Variants in PKD1L1 observed in about 807,000 individuals in gnomAD.
PKD1L1 encodes polycystin 1 like 1, transient receptor potential channel interacting.
In PKD1L1, 236 loss-of-function variants were observed where a neutral mutation model predicts 323.4. The ratio of observed to expected loss-of-function variants is 0.73; its 90% CI spans 0.66 to 0.81. PKD1L1 has a LOEUF of 0.81. Among genes scored for constraint, PKD1L1 ranks in the 40% least tolerant of loss-of-function variants. The pLI, the probability that PKD1L1 is intolerant of heterozygous loss-of-function variation, is 0.00. For missense variants in PKD1L1, 3,320 were observed against 3,508.0 expected (o/e 0.95, Z 1.35); for synonymous variants, 1,344 against 1,335.0 (o/e 1.01, Z -0.15).
rs185314360 is a variant in PKD1L1, at chr7:47,826,865, G to A, written c.6854+485C>T. Among the ~76,000 whole-genome samples, 6 of 152,338 alleles carry A rather than the reference G, an allele frequency of 3.9e-5. No individual in the cohort carries two copies. In the East Asian group the frequency reaches 5.8e-4, roughly 15 times the overall value. Reference sequence around the variant, plus strand: ...AACCATAACACAGCTGTGCATATCTGAATATTAAACTTATTTTTAAATAAC... The same window carrying A: ...AACCATAACACAGCTGTGCATATCTAAATATTAAACTTATTTTTAAATAAC... On this transcript the variant is annotated intron_variant, in intron 45 of 56. Transcript: ENST00000289672.
At chr7:47,836,604 TA>T (rs969190745) in intron 37 of PKD1L1, among the ~76,000 whole-genome samples, 4 of 151,676 alleles carry the variant, frequency 2.6e-5, no homozygotes, top group Non-Finnish European at 5.9e-5. Context: ...ATTGCCAACT[TA>T]AAAAAAAATT....
rs1259198834 is a variant in PKD1L1 at position 47,931,097 on chromosome 7, A to C, written c.737+7T>G. 2 of 1,613,072 alleles carry C rather than the reference A, an allele frequency of 1.2e-6. No individual in the cohort carries two copies. Among genetic ancestry groups the C allele is most frequent in the Non-Finnish European group, 1.7e-6 (2 of 1,179,452 alleles). On this transcript the variant is annotated splice_region_variant and intron_variant, in intron 6 of 56. Coordinates refer to ENST00000289672, the MANE Select transcript of PKD1L1 (RefSeq NM_138295.5). ...TGGTGCTGGCCTCCATACCTCCTTC[A>C]CCGTACCTTCTGGGAGAAGTGGGAA...
chr7:47,882,524 G>C (rs1478716069), intron 19 of PKD1L1, among the ~76,000 whole-genome samples: 2 of 152,080 alleles, frequency 1.3e-5, no homozygotes, highest in African/African-American at 4.8e-5. Context: ...CAGAGGAAGA[G>C]AGAGTGGTGT....
chr7:47,870,076 T>C (rs1429807416), intron 24 of PKD1L1, among the ~76,000 whole-genome samples: 1 of 152,010 alleles, frequency 6.6e-6, no homozygotes, highest in Non-Finnish European at 1.5e-5. Context: ...CTAAAACACA[T>C]TGGATGCAGC....
At chr7:47,945,501 C>CT (rs1788075667) in intron 1 of PKD1L1, among the ~76,000 whole-genome samples, 1 of 152,194 alleles carries the variant, frequency 6.6e-6, no homozygotes, top group Admixed American at 6.5e-5. Flanking sequence ...AGGCCTCAAA[C>CT]TGTTGAATAA....
Position 47,831,319 on chromosome 7 carries a change from T to C in PKD1L1, c.6371A>G (p.Gln2124Arg). ...CCAAGGCTGAAGGGCCCTTGACCACTGGGGCATTAGTCCCTCCAAACCACT... is the reference window on the plus strand; with the variant it reads ...CCAAGGCTGAAGGGCCCTTGACCACCGGGGCATTAGTCCCTCCAAACCACT... ...PSSGLEGLMP[Q>R]WSRALQPWWS... is the part of the protein sequence containing the mutation. Residue 2124 changes from glutamine (Q) to arginine (R), a missense_variant, in exon 42 of 57, where the codon CAG becomes CGG. Coordinates refer to ENST00000289672, the MANE Select transcript of PKD1L1 (RefSeq NM_138295.5). 1 of 1,614,082 alleles carries C rather than the reference T, an allele frequency of 6.2e-7. No homozygotes were observed. Among genetic ancestry groups the C allele is most frequent in the Non-Finnish European group, 8.5e-7 (1 of 1,179,992 alleles).
At chr7:47,875,198 C>T (rs1786377912) in intron 23 of PKD1L1, among the ~76,000 whole-genome samples, 2 of 152,160 alleles carry the variant, frequency 1.3e-5, no homozygotes, top group South Asian at 4.1e-4. Context: ...TCTCAAAATG[C>T]CCTGCTCAGA....
chr7:47,957,073 CT>C, the PKD1L1 span: 1 of 153,980 alleles, frequency 6.5e-6, no homozygotes, highest in Non-Finnish European at 1.5e-5. Flanking sequence ...AAGACATTTG[CT>C]TTTGTGCATA....
intron 7 of PKD1L1, among the ~76,000 whole-genome samples, chr7:47,926,292 A>G (rs1787655532): frequency 6.6e-6 from 1 of 152,218 alleles, no homozygotes; most frequent in Non-Finnish European, 1.5e-5. Context: ...TCTTTAGGTA[A>G]TAACTTAACT....
intron 16 of PKD1L1, among the ~76,000 whole-genome samples, chr7:47,888,645 A>G (rs76336193): frequency 0.053 from 8,006 of 152,288 alleles, 542 homozygotes; most frequent in African/African-American, 0.16. Context: ...GATGCTCACA[A>G]AGAAAGATGT....
intron 41 of PKD1L1, among the ~76,000 whole-genome samples, chr7:47,831,567 C>G (rs1012283353): frequency 2.0e-5 from 3 of 152,180 alleles, no homozygotes; most frequent in Admixed American, 1.3e-4. Flanking sequence ...AGAGGGCCTT[C>G]CTAGCCACAG....
At chr7:47,816,041 AGGTGTC>A (rs1785010490) in intron 46 of PKD1L1, among the ~76,000 whole-genome samples, 1 of 152,148 alleles carries the variant, frequency 6.6e-6, no homozygotes, top group Non-Finnish European at 1.5e-5. Flanking sequence ...AAGGGTGGGA[AGGTGTC>A]GGGGCCACAG....
At chr7:47,882,504 G>A (rs2128747111) in intron 19 of PKD1L1, among the ~76,000 whole-genome samples, 1 of 152,274 alleles carries the variant, frequency 6.6e-6, no homozygotes, top group East Asian at 1.9e-4. Flanking sequence ...GGAAAGAAAA[G>A]CGGGGTATGC....
chr7:47,831,438 T>C, intron 41 of PKD1L1, 86 bp from the exon 42 acceptor site: 1 of 1,499,832 alleles, frequency 6.7e-7, no homozygotes, highest in Non-Finnish European at 9.0e-7. Flanking sequence ...ATCTTAGGTG[T>C]CAACTAGGCT....
intron 26 of PKD1L1, among the ~76,000 whole-genome samples, chr7:47,862,761 C>G (rs774076396): frequency 2.6e-5 from 4 of 152,042 alleles, no homozygotes; most frequent in Non-Finnish European, 5.9e-5. Flanking sequence ...AAGGCAGTAC[C>G]CCTGGAGGAT....
intron 7 of PKD1L1, among the ~76,000 whole-genome samples, chr7:47,928,619 C>T (rs1475823758): frequency 1.3e-5 from 2 of 152,052 alleles, no homozygotes; most frequent in Non-Finnish European, 2.9e-5. Flanking sequence ...AAAATTAAAT[C>T]CTATCCGTAA....
chr7:47,891,018 C>G (rs981638357), intron 15 of PKD1L1, among the ~76,000 whole-genome samples: 1 of 152,206 alleles, frequency 6.6e-6, no homozygotes, highest in African/African-American at 2.4e-5. Context: ...TTGTTTCCAG[C>G]CCCACCAGGC....
In PKD1L1 at chr7:47,884,738, C is replaced by T. The variant is rs537132876; in HGVS notation, c.3206-81G>A. Reference sequence around the variant, plus strand: ...ATTAACAGCAGCTCCCCTGATGGGTCACATTGTCCTTGGTGTATTTCTAGA... The same window carrying T: ...ATTAACAGCAGCTCCCCTGATGGGTTACATTGTCCTTGGTGTATTTCTAGA... On this transcript the variant is annotated intron_variant, in intron 18 of 56. Transcript: ENST00000289672. 8.1e-6 allele frequency: 9 copies of T among 1,114,714 alleles called. 1 individual carries two copies. The East Asian group carries it at 1.2e-4, about 15-fold the overall frequency. The allele number at this position is 1,114,714 out of a possible 1,614,324, so 69.1% of individuals were successfully genotyped here.
chr7:47,810,311 G>A (rs1429721529), intron 50 of PKD1L1, among the ~76,000 whole-genome samples: 1 of 152,144 alleles, frequency 6.6e-6, no homozygotes, highest in Non-Finnish European at 1.5e-5. Context: ...GGAGCCTGAG[G>A]CAAAGAAACT....
Sources: gnomAD v4.1 joint callset for allele counts (sites outside exome capture counted in the v4.1 genomes callset) on GRCh38, gnomAD v4.1.1 for gene constraint, MANE v1.5 for transcripts, NCBI Gene and HGNC (gene_info 2026-07-23, HGNC 2026-07-21) for gene names.